The following NAV2 variants were observed in gnomAD, a reference collection of about 807,000 sequenced individuals.
NAV2 encodes the protein helicase, APC down-regulated 1.
Under a neutral mutation model 223.2 loss-of-function variants are expected in NAV2, and 54 were observed. The observed-to-expected ratio is 0.24, with a 90% CI of 0.19 to 0.30. NAV2 has a LOEUF of 0.30. Ranked by LOEUF, NAV2 falls within the 10% of genes least tolerant of loss-of-function variation. NAV2 has a pLI of 1.00. For synonymous variants in NAV2, 1,279 were observed against 1,239.3 expected (o/e 1.03, Z -0.67); for missense variants, 2,806 against 3,147.5 (o/e 0.89, Z 2.60).
intron 1 of NAV2, among the ~76,000 whole-genome samples, chr11:19,516,515 C>T (rs1181142686): frequency 6.6e-6 from 1 of 152,236 alleles, no homozygotes; most frequent in African/African-American, 2.4e-5. Flanking sequence ...GTTAATTCTT[C>T]ACCACAACTC....
intron 1 of NAV2, among the ~76,000 whole-genome samples, chr11:19,598,568 T>C (rs1435110796): frequency 2.0e-5 from 3 of 152,202 alleles, no homozygotes; most frequent in Admixed American, 6.5e-5. Flanking sequence ...GTGATGTATA[T>C]GTATTTATTC....
intron 1 of NAV2, among the ~76,000 whole-genome samples, chr11:19,379,629 ACT>A (rs1848766342): frequency 6.6e-6 from 1 of 151,274 alleles, no homozygotes; most frequent in African/African-American, 2.4e-5. Flanking sequence ...CGCTGCCCTG[ACT>A]CTTCCCTCCT....
At chr11:19,573,834 C>T (rs990235828) in intron 1 of NAV2, among the ~76,000 whole-genome samples, 13 of 152,142 alleles carry the variant, frequency 8.5e-5, no homozygotes, top group African/African-American at 3.1e-4. Context: ...TCCTCACCTG[C>T]CTGTGTCTGT....
intron 1 of NAV2, among the ~76,000 whole-genome samples, chr11:19,395,274 G>A (rs1462492877): frequency 6.6e-6 from 1 of 152,256 alleles, no homozygotes; most frequent in African/African-American, 2.4e-5. Context: ...GGGAGAGAAA[G>A]CCCCTCATTG....
chr11:20,086,106 T>C (rs1363401246), intron 26 of NAV2, among the ~76,000 whole-genome samples: 1 of 152,236 alleles, frequency 6.6e-6, no homozygotes, highest in African/African-American at 2.4e-5. Context: ...GCCACAGACA[T>C]AGTCAGGGCC....
chr11:20,105,205 A>G (rs2061938454), intron 34 of NAV2: 1 of 214,272 alleles, frequency 4.7e-6, no homozygotes, highest in Non-Finnish European at 9.3e-6. Context: ...GTTAGAGCCT[A>G]GCCTCTGGAG....
chr11:19,459,714 G>T (rs1038655162), intron 1 of NAV2, among the ~76,000 whole-genome samples: 1 of 152,184 alleles, frequency 6.6e-6, no homozygotes, highest in Non-Finnish European at 1.5e-5. Context: ...GATATAGGGG[G>T]TGTCTACTTG....
intron 1 of NAV2, among the ~76,000 whole-genome samples, chr11:19,517,963 C>G (rs1453300836): frequency 6.6e-6 from 1 of 152,224 alleles, no homozygotes; most frequent in African/African-American, 2.4e-5. Context: ...CTGGGAACAA[C>G]AAAACTGTGC....
intron 1 of NAV2, among the ~76,000 whole-genome samples, chr11:19,829,742 C>T: frequency 6.6e-6 from 1 of 152,320 alleles, no homozygotes; most frequent in South Asian, 2.1e-4. Context: ...GCCTTCACTT[C>T]CTGAGCCCCA....
intron 1 of NAV2, among the ~76,000 whole-genome samples, chr11:19,382,305 C>T (rs1030375857): frequency 6.6e-6 from 1 of 152,114 alleles, no homozygotes; most frequent in East Asian, 1.9e-4. Context: ...TCTTTCGGCC[C>T]ATGCTGAATG....
intron 6 of NAV2, among the ~76,000 whole-genome samples, chr11:19,903,052 G>A (rs932980764): frequency 6.6e-6 from 1 of 152,126 alleles, no homozygotes; most frequent in African/African-American, 2.4e-5. Flanking sequence ...CCGAGGACAT[G>A]ACATCCTCAG....
intron 1 of NAV2, among the ~76,000 whole-genome samples, chr11:19,407,170 A>G (rs558134354): frequency 1.3e-5 from 2 of 152,156 alleles, no homozygotes; most frequent in South Asian, 4.1e-4. Flanking sequence ...CATTCATTTC[A>G]TAAATAGTTT....
intron 3 of NAV2, among the ~76,000 whole-genome samples, chr11:19,859,294 G>T (rs996569224): frequency 2.3e-4 from 34 of 149,758 alleles, no homozygotes; most frequent in Non-Finnish European, 4.0e-4. Flanking sequence ...GCGGCCTTCC[G>T]CAGTGTTTGT....
chr11:19,483,461 G>C (rs572524566), intron 1 of NAV2, among the ~76,000 whole-genome samples: 1 of 152,204 alleles, frequency 6.6e-6, no homozygotes, highest in Non-Finnish European at 1.5e-5. Flanking sequence ...AAGCACAAGG[G>C]TAGTGATGCT....
At chr11:19,479,977 T>TG (rs1044034782) in intron 1 of NAV2, among the ~76,000 whole-genome samples, 16 of 152,256 alleles carry the variant, frequency 1.1e-4, no homozygotes, top group African/African-American at 3.4e-4. Context: ...TAAAAATAAT[T>TG]GGGGGGAAAA....
At chr11:19,371,338 A>C (rs1041919332) in intron 1 of NAV2, among the ~76,000 whole-genome samples, 1 of 152,172 alleles carries the variant, frequency 6.6e-6, no homozygotes, top group African/African-American at 2.4e-5. Context: ...CAGAGTCTGC[A>C]TTCTGAATCA....
chr11:19,762,976 A>G (rs1482329823), intron 1 of NAV2, among the ~76,000 whole-genome samples: 1 of 152,090 alleles, frequency 6.6e-6, no homozygotes, highest in Non-Finnish European at 1.5e-5. Flanking sequence ...ACCTGTCCTC[A>G]ATAGCACTTC....
intron 6 of NAV2, among the ~76,000 whole-genome samples, chr11:19,917,783 TG>T (rs2043929759): frequency 6.6e-6 from 1 of 152,216 alleles, no homozygotes; most frequent in Non-Finnish European, 1.5e-5. Flanking sequence ...TGGCTAATTT[TG>T]TATTTTTAGT....
At chr11:19,810,006 T>C (rs1001944947) in intron 1 of NAV2, among the ~76,000 whole-genome samples, 1 of 152,242 alleles carries the variant, frequency 6.6e-6, no homozygotes, top group African/African-American at 2.4e-5. Context: ...CTTTCCCTTT[T>C]TTCCATGTTT....
Sources: allele counts gnomAD v4.1 joint callset (sites outside exome capture counted in the v4.1 genomes callset), GRCh38; gene constraint gnomAD v4.1.1; transcripts MANE v1.5; gene names NCBI Gene and HGNC (gene_info 2026-07-23, HGNC 2026-07-21).